KIR3DL2: variants seen among roughly 807,000 people sequenced by gnomAD.
KIR3DL2 encodes the protein killer cell immunoglobulin-like receptor 3DL2.
In KIR3DL2, 42 loss-of-function variants were observed where a neutral mutation model predicts 41.6. The observed-to-expected ratio is 1.01, with a 90% CI of 0.79 to 1.31. The LOEUF (loss-of-function observed/expected upper bound fraction) is 1.31. KIR3DL2 is among the 50% of genes most tolerant of loss of function. KIR3DL2 has a pLI of 0.00. For missense variants in KIR3DL2, 728 were observed against 576.8 expected (o/e 1.26, Z -2.68); for synonymous variants, 230 against 221.3 (o/e 1.04, Z -0.35).
At chr19:54,858,597 T>C (rs1357901892) in intron 5 of KIR3DL2, among the ~76,000 whole-genome samples, 34 of 151,340 alleles carry the variant, frequency 2.2e-4, no homozygotes, top group Non-Finnish European at 3.7e-4. Context: ...AGCATGGTGA[T>C]CAGTGCCTGT....
At chr19:54,862,360 GTCTTTCCAGAGAAGAC>G (rs2065235086) in intron 6 of KIR3DL2, among the ~76,000 whole-genome samples, 1 of 152,138 alleles carries the variant, frequency 6.6e-6, no homozygotes, top group African/African-American at 2.4e-5. Context: ...TCCCAGTCCA[GTCTTTCCAGAGAAGAC>G]TCTAAACACC....
Position 54,866,402 on chromosome 19 carries a change from G to A in KIR3DL2, c.1138G>A (p.Asp380Asn), listed in dbSNP as rs577423968. The change falls in exon 8 of 9, where the codon GAC (aspartate) becomes AAC (asparagine). Residue 380 changes from aspartate to asparagine, a missense_variant. Transcript: ENST00000326321. ...AAVMDQEPAG[D>N]RTVNRQDSDE... ...TGTAATGGACCAAGAGCCTGCGGGG[G>A]ACAGAACAGTGAATAGGCAGGTAGG... 14 of 1,613,882 alleles carry A rather than the reference G, an allele frequency of 8.7e-6. No homozygotes were observed. The highest frequency in any genetic ancestry group is 1.2e-5 in the Non-Finnish European group (14 of 1,179,936).
intron 5 of KIR3DL2, among the ~76,000 whole-genome samples, chr19:54,857,465 G>A (rs2145643155): frequency 6.6e-6 from 1 of 151,400 alleles, no homozygotes; most frequent in South Asian, 2.1e-4. Flanking sequence ...TACCAACAGG[G>A]TACCAGGGTT....
intron 2 of KIR3DL2, 122 bp from the exon 3 acceptor site, chr19:54,851,876 G>A (rs1485861086): frequency 4.0e-6 from 5 of 1,241,896 alleles, no homozygotes; most frequent in Non-Finnish European, 5.7e-6. Context: ...CCTTCCTGTA[G>A]CCCTGGGCAC....
chr19:54,851,874 T>C (rs1162928215), intron 2 of KIR3DL2, 124 bp from the exon 3 acceptor site: 9 of 1,203,644 alleles, frequency 7.5e-6, no homozygotes, highest in Non-Finnish European at 1.1e-5. Flanking sequence ...GTCCTTCCTG[T>C]AGCCCTGGGC....
intron 6 of KIR3DL2, among the ~76,000 whole-genome samples, chr19:54,861,649 A>C (rs1221066843): frequency 6.6e-6 from 1 of 151,550 alleles, no homozygotes; most frequent in African/African-American, 2.4e-5. Context: ...ACTCTGTCTC[A>C]AAAAATAAAA....
rs1198698666 is a variant in KIR3DL2 at position 54,852,055 on chromosome 19, G to C, written c.128G>C (p.Gly43Ala). The part of the protein sequence containing the change: ...ARPSTVVPRG[G>A]HVALQCHYRR... ...CCCAGCACTGTGGTGCCTCGAGGAG[G>C]ACACGTGGCTCTTCAGTGTCACTAT... The change falls in exon 3 of 9, where the codon GGA becomes GCA. Residue 43 changes from glycine (G) to alanine (A), a missense_variant. By Grantham distance (60) the Gly-to-Ala change is moderately conservative. Coordinates refer to ENST00000326321, the MANE Select transcript of KIR3DL2 (RefSeq NM_006737.4). 6.2e-7 allele frequency: 1 copy of C among 1,612,208 alleles called. No homozygotes were observed. The highest frequency in any genetic ancestry group is 8.5e-7 in the Non-Finnish European group (1 of 1,179,244).
chr19:54,851,092 T>A (rs1369510272), intron 1 of KIR3DL2, 128 bp from the exon 2 acceptor site: 2 of 1,172,818 alleles, frequency 1.7e-6, no homozygotes, highest in Non-Finnish European at 1.3e-6. Context: ...TGGCAGCAGG[T>A]AGCAGGGAGG....
chr19:54,861,748 C>A (rs1232164003), intron 6 of KIR3DL2, among the ~76,000 whole-genome samples: 1 of 151,722 alleles, frequency 6.6e-6, no homozygotes, highest in Non-Finnish European at 1.5e-5. Context: ...ATAATTACTT[C>A]TTTGATCCTT....
intron 2 of KIR3DL2, 68 bp from the exon 3 acceptor site, chr19:54,851,930 T>G: frequency 6.3e-7 from 1 of 1,574,912 alleles, no homozygotes; most frequent in Non-Finnish European, 8.7e-7. Context: ...GGGAGAATCT[T>G]CTGAGCACAG....
chr19:54,850,594 T>C (rs1170984349), intron 1 of KIR3DL2, 85 bp downstream of exon 1: 17 of 1,567,586 alleles, frequency 1.1e-5, no homozygotes, highest in Non-Finnish European at 1.4e-5. Flanking sequence ...GGAGTGGAGA[T>C]ATGGGCCTGG....
intron 5 of KIR3DL2, among the ~76,000 whole-genome samples, chr19:54,857,836 G>A (rs1348202414): frequency 9.9e-5 from 15 of 151,648 alleles, no homozygotes; most frequent in African/African-American, 2.9e-4. Flanking sequence ...GTGAGCCACC[G>A]GCCTAAAAGG....
chr19:54,865,855 C>T lies in KIR3DL2; in HGVS notation c.1051C>T (p.Leu351Phe), dbSNP rs1384768522. 7.4e-6 allele frequency: 12 copies of T among 1,613,770 alleles called. No homozygotes were observed. The African/African-American group carries it at 1.5e-4, about 20-fold the overall frequency. ...GATTGGGACCTCAGTGGTCATCTTC[C>T]TCTTCATCCTCCTCCTCTTCTTTCT... ...VLIGTSVVIF[L>F]FILLLFFLLY... Residue 351 changes from leucine to phenylalanine, a missense_variant, in exon 7 of 9, where the codon CTC becomes TTC. By Grantham distance (22) the Leu-to-Phe change is conservative. Coordinates refer to ENST00000326321, the MANE Select transcript of KIR3DL2 (RefSeq NM_006737.4).
chr19:54,851,400 T>C (rs1371685971), intron 2 of KIR3DL2, 145 bp downstream of exon 2: 1 of 831,956 alleles, frequency 1.2e-6, no homozygotes, highest in Non-Finnish European at 1.8e-6. Flanking sequence ...GACCTCGCCC[T>C]CCCTGGCCTT....
chr19:54,855,959 T>A, intron 5 of KIR3DL2, 47 bp downstream of exon 5: 1 of 1,598,570 alleles, frequency 6.3e-7, no homozygotes, highest in Non-Finnish European at 8.5e-7. Context: ...CCTAGAGCCA[T>A]AGCTGAGGAG....
chr19:54,858,367 A>G (rs2064944270), intron 5 of KIR3DL2, among the ~76,000 whole-genome samples: 1 of 150,624 alleles, frequency 6.6e-6, no homozygotes, highest in South Asian at 2.1e-4. Flanking sequence ...GTAGATATCC[A>G]GTTTTCCCCA....
chr19:54,866,645 T>A lies in KIR3DL2; in HGVS notation c.1282T>A (p.Tyr428Asn). The A allele has an allele frequency of 6.2e-7, 1 of 1,613,982 alleles. No homozygotes were observed. Among genetic ancestry groups the A allele is most frequent in the Non-Finnish European group, 8.5e-7 (1 of 1,179,974 alleles). The change falls in exon 9 of 9, where the codon TAC becomes AAC. Residue 428 changes from tyrosine (Y) to asparagine (N), a missense_variant. Coordinates refer to ENST00000326321, the MANE Select transcript of KIR3DL2 (RefSeq NM_006737.4). ...GACACCCCTAACAGATACCAGCGTG[T>A]ACACGGAACTTCCAAATGCTGAGCC... Reference protein sequence around the residue: ...PKTPLTDTSVYTELPNAEPRS... With the variant: ...PKTPLTDTSVNTELPNAEPRS...
rs796598310 is a variant in KIR3DL2 at position 54,867,153 on chromosome 19, T to A, written c.*422T>A. The A allele has an allele frequency of 4.7e-6, 1 of 211,230 alleles. No individual in the cohort carries two copies. The highest frequency in any genetic ancestry group is 1.4e-4 in the East Asian group (1 of 6,934). The allele number at this position is 211,230 out of a possible 1,614,324, so 13.1% of individuals were successfully genotyped here. On this transcript the variant is annotated 3_prime_UTR_variant, in exon 9 of 9. Coordinates refer to ENST00000326321, the MANE Select transcript of KIR3DL2 (RefSeq NM_006737.4). ...CTGTCATCAGTAAAATTTATAAATT[T>A]TTTTTATAACTTCAGTGTAGCTCTC...
chr19:54,865,394 G>A (rs754485890), intron 6 of KIR3DL2, among the ~76,000 whole-genome samples: 18 of 151,902 alleles, frequency 1.2e-4, no homozygotes, highest in Non-Finnish European at 2.4e-4. Context: ...GAGGGCGAGC[G>A]ATGGAGCTTC....
Sources: allele counts gnomAD v4.1 joint callset (sites outside exome capture counted in the v4.1 genomes callset), GRCh38; gene constraint gnomAD v4.1.1; transcripts MANE v1.5; gene names NCBI Gene and HGNC (gene_info 2026-07-23, HGNC 2026-07-21).